Variants in ZNF83 observed in about 807,000 individuals in gnomAD.
ZNF83 encodes zinc finger protein 816B.
For missense variants in ZNF83, 552 were observed against 629.9 expected, an observed-to-expected ratio of 0.88 and a Z score of 1.32; for synonymous variants, 209 against 213.0, an observed-to-expected ratio of 0.98 and a Z score of 0.17.
exon 3 of ZNF83, chr19:52,612,878 G>A (rs2060149487): frequency 1.4e-6 from 1 of 697,778 alleles, no homozygotes; most frequent in Non-Finnish European, 2.3e-6. Flanking sequence ...TGTCCTCTAT[G>A]GTCTAGCTAA....
At chr19:52,688,037 A>G (rs2062077304) in intron 1 of ZNF83, among the ~76,000 whole-genome samples, 1 of 152,014 alleles carries the variant, frequency 6.6e-6, no homozygotes, top group Non-Finnish European at 1.5e-5. Context: ...CATAGACAGG[A>G]ATTTTAAAAT....
chr19:52,634,681 C>A (rs1387091437), intron 2 of ZNF83, among the ~76,000 whole-genome samples: 2 of 152,148 alleles, frequency 1.3e-5, no homozygotes, highest in Non-Finnish European at 2.9e-5. Flanking sequence ...CCACATACTT[C>A]GTGGACATTA....
intron 1 of ZNF83, chr19:52,636,921 G>C (rs1464686834): frequency 3.3e-5 from 5 of 150,480 alleles, no homozygotes; most frequent in African/African-American, 9.8e-5. Context: ...GTCTCCTAAA[G>C]TGCTGGGATT....
intron 3 of ZNF83, chr19:52,655,448 A>C: frequency 1.0e-6 from 1 of 994,840 alleles, no homozygotes; most frequent in Non-Finnish European, 1.5e-6. Flanking sequence ...GAAAACAATG[A>C]CATGTACATC....
At chr19:52,677,280 A>C (rs2061830035) in intron 1 of ZNF83, among the ~76,000 whole-genome samples, 1 of 150,704 alleles carries the variant, frequency 6.6e-6, no homozygotes, top group Admixed American at 6.6e-5. Flanking sequence ...TTGCTTTTGA[A>C]TATTAAAGAC....
chr19:52,679,059 A>G (rs1238729017), intron 1 of ZNF83, among the ~76,000 whole-genome samples: 1 of 152,208 alleles, frequency 6.6e-6, no homozygotes, highest in Non-Finnish European at 1.5e-5. Flanking sequence ...TGAAAACCAT[A>G]TCTGTTACAG....
chr19:52,654,858 A>C (rs1223612164), intron 3 of ZNF83: 1 of 153,502 alleles, frequency 6.5e-6, no homozygotes, highest in Non-Finnish European at 1.4e-5. Flanking sequence ...TCACAGTACC[A>C]GTGAGAGATG....
intron 2 of ZNF83, 119 bp from the exon 3 acceptor site, chr19:52,614,916 C>A: frequency 1.0e-6 from 1 of 986,944 alleles, no homozygotes; most frequent in Non-Finnish European, 1.3e-6. Context: ...AGTTATAAAA[C>A]TCCCATTCAT....
chr19:52,663,913 A>G (rs1398090372), intron 1 of ZNF83, among the ~76,000 whole-genome samples: 1 of 152,204 alleles, frequency 6.6e-6, no homozygotes, highest in African/African-American at 2.4e-5. Context: ...ATTGAGACGG[A>G]GTCTCGCTCT....
At chr19:52,624,298 C>T (rs748217012) in intron 2 of ZNF83, among the ~76,000 whole-genome samples, 10 of 149,402 alleles carry the variant, frequency 6.7e-5, no homozygotes, top group Non-Finnish European at 1.3e-4. Context: ...CACCAAAGCT[C>T]AAATTTCTTC....
intron 2 of ZNF83, among the ~76,000 whole-genome samples, chr19:52,629,472 TA>T (rs2060869170): frequency 6.6e-6 from 1 of 152,096 alleles, no homozygotes; most frequent in Non-Finnish European, 1.5e-5. Flanking sequence ...CAGGCCGAGC[TA>T]GGTCCCAATT....
At chr19:52,677,156 A>G (rs1043806943) in intron 1 of ZNF83, among the ~76,000 whole-genome samples, 2 of 151,706 alleles carry the variant, frequency 1.3e-5, no homozygotes, top group Non-Finnish European at 2.9e-5. Flanking sequence ...AAAAAAAATA[A>G]AGGAAGAAGA....
chr19:52,640,562 C>G (rs909135245), upstream of ZNF83, among the ~76,000 whole-genome samples: 3 of 152,134 alleles, frequency 2.0e-5, no homozygotes, highest in African/African-American at 7.2e-5. Flanking sequence ...GGCAGTATTG[C>G]TCTGTCGCCC....
chr19:52,615,856 G>A (rs961156379), intron 2 of ZNF83, among the ~76,000 whole-genome samples: 2 of 151,450 alleles, frequency 1.3e-5, no homozygotes, highest in Admixed American at 1.3e-4. Context: ...TTTTCTTTTT[G>A]AGACGAAGTC....
At chr19:52,646,175 G>A (rs2061370494) in intron 3 of ZNF83, among the ~76,000 whole-genome samples, 1 of 152,072 alleles carries the variant, frequency 6.6e-6, no homozygotes, top group Admixed American at 6.6e-5. Context: ...CCTGACCTTA[G>A]GTGACCTGCT....
chr19:52,681,061 G>A (rs922391185), intron 1 of ZNF83, among the ~76,000 whole-genome samples: 7 of 151,776 alleles, frequency 4.6e-5, no homozygotes, highest in African/African-American at 1.7e-4. Flanking sequence ...AAGCCGGGCA[G>A]ATCATTTGAG....
At chr19:52,618,609 C>T (rs1016917827) in intron 2 of ZNF83, 6 of 320,572 alleles carry the variant, frequency 1.9e-5, no homozygotes, top group Non-Finnish European at 3.4e-5. Flanking sequence ...GTTGGTGAGG[C>T]TAGTATCGAA....
chr19:52,658,399 CT>C (rs1568568501), intron 2 of ZNF83, among the ~76,000 whole-genome samples: 1 of 152,134 alleles, frequency 6.6e-6, no homozygotes, highest in African/African-American at 2.4e-5. Context: ...AATTTCATCT[CT>C]ACCAAAAATA....
chr19:52,621,616 C>T (rs1461191220), intron 2 of ZNF83, among the ~76,000 whole-genome samples: 1 of 151,902 alleles, frequency 6.6e-6, no homozygotes, highest in Non-Finnish European at 1.5e-5. Context: ...CCCCTCTTTT[C>T]TCTAAACTTA....
Sources: allele counts gnomAD v4.1 joint callset (sites outside exome capture counted in the v4.1 genomes callset), GRCh38; gene constraint gnomAD v4.1.1; transcripts MANE v1.5; gene names NCBI Gene and HGNC (gene_info 2026-07-23, HGNC 2026-07-21).